SNTG1: variants seen among roughly 807,000 people sequenced by gnomAD.
The protein encoded by SNTG1 is syntrophin gamma 1.
SNTG1 carries 39 observed loss-of-function variants against 74.7 expected under a neutral mutation model. That is an observed-to-expected ratio of 0.52 (90% confidence interval 0.40 to 0.68). The LOEUF (loss-of-function observed/expected upper bound fraction) is 0.68. Ranked by LOEUF, SNTG1 falls within the 30% of genes least tolerant of loss-of-function variation. The pLI, the probability that SNTG1 is intolerant of heterozygous loss-of-function variation, is 0.00. For missense variants in SNTG1, 685 were observed against 609.5 expected (o/e 1.12, Z -1.30); for synonymous variants, 254 against 217.1 (o/e 1.17, Z -1.49).
intron 2 of SNTG1, among the ~76,000 whole-genome samples, chr8:50,379,629 A>G (rs566400964): frequency 6.6e-6 from 1 of 152,352 alleles, no homozygotes; most frequent in South Asian, 2.1e-4. Flanking sequence ...CCTGATGGCA[A>G]CTGCCGCTCC....
At chr8:50,153,152 AT>A (rs1440410766) in intron 1 of SNTG1, among the ~76,000 whole-genome samples, 1 of 152,070 alleles carries the variant, frequency 6.6e-6, no homozygotes, top group East Asian at 1.9e-4. Context: ...CATTTTATTC[AT>A]TCGATCTTCA....
chr8:50,792,569 A>T (rs2095694121), intron 18 of SNTG1, 102 bp from the exon 19 acceptor site: 5 of 1,190,578 alleles, frequency 4.2e-6, no homozygotes, highest in Non-Finnish European at 5.8e-6. Context: ...CATATCATAG[A>T]TTCTAGATAA....
chr8:49,958,982 T>C (rs555470962), intron 1 of SNTG1, among the ~76,000 whole-genome samples: 3 of 152,344 alleles, frequency 2.0e-5, no homozygotes, highest in Admixed American at 2.0e-4. Context: ...TTACATGCTT[T>C]TTGATCTGTT....
upstream of SNTG1, chr8:49,910,013 C>CG (rs1276622579): frequency 2.0e-5 from 3 of 152,372 alleles, no homozygotes; most frequent in African/African-American, 7.2e-5. Flanking sequence ...GCCGCCTCCT[C>CG]GCCCGTCCCC....
rs1403323907 is a variant in SNTG1 at position 49,955,498 on chromosome 8, C to A, written c.-103+43267C>A. On this transcript the variant is annotated intron_variant, in intron 1 of 18. Transcript: ENST00000642720. ...TCACATGCACAGGCAAGAGGTAAAG[C>A]TCTTACAGTTACAAATCCACTGGGA... Among the ~76,000 whole-genome samples, 6 of 152,344 alleles carry A rather than the reference C, an allele frequency of 3.9e-5. No individual in the cohort carries two copies. In the East Asian group the frequency reaches 1.2e-3, roughly 29 times the overall value.
chr8:50,507,892 T>C (rs1457360436), intron 9 of SNTG1, among the ~76,000 whole-genome samples: 3 of 151,160 alleles, frequency 2.0e-5, no homozygotes, highest in Admixed American at 6.6e-5. Flanking sequence ...TGTCCATGTG[T>C]TCTCATTGTT....
At chr8:50,754,384 G>A (rs987573288) in intron 18 of SNTG1, among the ~76,000 whole-genome samples, 54 of 151,882 alleles carry the variant, frequency 3.6e-4, no homozygotes, top group Admixed American at 3.0e-3. Context: ...TAAAATTTTG[G>A]TTCTGCTCAT....
At chr8:50,019,684 A>G (rs1390337442) in intron 1 of SNTG1, among the ~76,000 whole-genome samples, 1 of 152,110 alleles carries the variant, frequency 6.6e-6, no homozygotes, top group Non-Finnish European at 1.5e-5. Context: ...GAAAACATAA[A>G]CAAAATCAAA....
chr8:50,171,597 T>C (rs2082810480), intron 1 of SNTG1, among the ~76,000 whole-genome samples: 1 of 152,202 alleles, frequency 6.6e-6, no homozygotes, highest in African/African-American at 2.4e-5. Context: ...TTCAATACTT[T>C]GCATCCTTCA....
intron 18 of SNTG1, among the ~76,000 whole-genome samples, chr8:50,776,949 G>C (rs1425382874): frequency 6.6e-6 from 1 of 151,708 alleles, no homozygotes; most frequent in African/African-American, 2.4e-5. Flanking sequence ...GAAATTCTCT[G>C]TCATTTGACT....
intron 1 of SNTG1, among the ~76,000 whole-genome samples, chr8:50,023,896 C>T (rs949347214): frequency 2.0e-5 from 3 of 152,160 alleles, no homozygotes; most frequent in African/African-American, 7.2e-5. Context: ...GGCCTTCTGA[C>T]CATCAACCAT....
chr8:50,181,801 T>C (rs2083215032), intron 2 of SNTG1, among the ~76,000 whole-genome samples: 3 of 152,184 alleles, frequency 2.0e-5, no homozygotes, highest in Admixed American at 2.0e-4. Flanking sequence ...TCTTTTATTC[T>C]TTAAAAAGTT....
At chr8:50,380,634 G>A (rs2092464360) in intron 2 of SNTG1, among the ~76,000 whole-genome samples, 1 of 152,166 alleles carries the variant, frequency 6.6e-6, no homozygotes, top group South Asian at 2.1e-4. Flanking sequence ...GGGTGCAGCT[G>A]GAGAGGTGCA....
chr8:50,680,142 GA>G lies in SNTG1; in HGVS notation c.1038+21481del, dbSNP rs1490564927. ...TCATGTACAATTCCTAAAACTTGCT[GA>G]ATCATCTGCTTATGTTGTATGTCAG... On this transcript the variant is annotated intron_variant, in intron 15 of 18. Transcript: ENST00000642720. Among the ~76,000 whole-genome samples the G allele has an allele frequency of 3.9e-5, 6 of 152,156 alleles. No individual in the cohort carries two copies. In the East Asian group the frequency reaches 1.2e-3, roughly 29 times the overall value.
At chr8:50,402,927 G>T (rs548417428) in intron 4 of SNTG1, among the ~76,000 whole-genome samples, 94 of 152,296 alleles carry the variant, frequency 6.2e-4, no homozygotes, top group African/African-American at 2.0e-3. Flanking sequence ...TTCAGAAAGA[G>T]CCATAAATTA....
rs187067074 is a variant in SNTG1 at position 50,519,868 on chromosome 8, G to A, written c.467-10309G>A. ...AGGGAGAATCAATAGAGTGAAAATG[G>A]CCATACTACCCAAAGAAATTTATAG... On this transcript the variant is annotated intron_variant, in intron 9 of 18. Coordinates refer to ENST00000642720, the MANE Select transcript of SNTG1 (RefSeq NM_018967.5). Among the ~76,000 whole-genome samples, 455 of 152,066 alleles carry A rather than the reference G, an allele frequency of 3.0e-3. 4 individuals carry two copies. The highest frequency in any genetic ancestry group is 0.011 in the African/African-American group (443 of 41,480).
At chr8:50,630,566 G>A (rs973467375) in intron 13 of SNTG1, among the ~76,000 whole-genome samples, 11 of 152,112 alleles carry the variant, frequency 7.2e-5, no homozygotes, top group Non-Finnish European at 1.5e-4. Flanking sequence ...GGTGTGAATA[G>A]CACAGAATTT....
intron 1 of SNTG1, among the ~76,000 whole-genome samples, chr8:50,060,668 T>C (rs1820393982): frequency 6.6e-6 from 1 of 152,088 alleles, no homozygotes; most frequent in African/African-American, 2.4e-5. Context: ...CTATTAGGCC[T>C]TTCACTTGTT....
chr8:50,348,767 T>C (rs1417806488), intron 2 of SNTG1, among the ~76,000 whole-genome samples: 1 of 152,232 alleles, frequency 6.6e-6, no homozygotes, highest in Non-Finnish European at 1.5e-5. Context: ...CACTGATTTT[T>C]CCCCTTCTAG....
Sources: gnomAD v4.1 joint callset for allele counts (sites outside exome capture counted in the v4.1 genomes callset) on GRCh38, gnomAD v4.1.1 for gene constraint, MANE v1.5 for transcripts, NCBI Gene and HGNC (gene_info 2026-07-23, HGNC 2026-07-21) for gene names.